Variants in BAZ1A observed in about 807,000 individuals in gnomAD.
BAZ1A encodes the protein bromodomain adjacent to zinc finger domain 1A, also known as bromodomain adjacent to zinc finger domain protein 1A.
BAZ1A carries 50 observed loss-of-function variants against 185.2 expected under a neutral mutation model. The observed-to-expected ratio is 0.27, with a 90% confidence interval of 0.22 to 0.34. The LOEUF is 0.34. BAZ1A is among the 10% of genes least tolerant of loss of function. BAZ1A has a pLI of 1.00. For synonymous variants in BAZ1A, 571 were observed against 615.6 expected, an observed-to-expected ratio of 0.93 and a Z score of 1.07; for missense variants, 1,356 against 1,839.9, an observed-to-expected ratio of 0.74 and a Z score of 4.81.
At chr14:34,775,336 T>C (rs984774655) in intron 18 of BAZ1A, among the ~76,000 whole-genome samples, 3 of 152,264 alleles carry the variant, frequency 2.0e-5, no homozygotes, top group Non-Finnish European at 4.4e-5. Context: ...AAAACGTTTT[T>C]AGCTCTATTT....
At chr14:34,836,800 G>A (rs536518129) in intron 3 of BAZ1A, among the ~76,000 whole-genome samples, 9 of 152,102 alleles carry the variant, frequency 5.9e-5, no homozygotes, top group African/African-American at 1.7e-4. Context: ...GCATTTGAGC[G>A]AGTCAGCTAT....
chr14:34,873,084 G>T (rs190921550), intron 2 of BAZ1A, among the ~76,000 whole-genome samples: 3 of 152,176 alleles, frequency 2.0e-5, no homozygotes, highest in East Asian at 1.9e-4. Context: ...TACTTCTCTG[G>T]ATATAACATG....
At chr14:34,783,085 G>A (rs773934756) in intron 16 of BAZ1A, 34 bp downstream of exon 16, 11 of 1,453,086 alleles carry the variant, frequency 7.6e-6, no homozygotes, top group Admixed American at 3.6e-5. Context: ...TTTATGTATG[G>A]TAAAGCAGAT....
intron 4 of BAZ1A, among the ~76,000 whole-genome samples, chr14:34,823,316 T>C (rs1240236188): frequency 6.6e-6 from 1 of 150,888 alleles, no homozygotes; most frequent in Non-Finnish European, 1.5e-5. Context: ...ACTGCGCCAC[T>C]GCACTCCAGC....
chr14:34,784,352 A>G (rs1880268002), intron 14 of BAZ1A, among the ~76,000 whole-genome samples: 2 of 106,980 alleles, frequency 1.9e-5, no homozygotes, highest in Non-Finnish European at 3.5e-5. Context: ...TGGGCAACTG[A>G]GTGAGACTCT....
At chr14:34,833,740 A>C (rs2042286918) in intron 3 of BAZ1A, among the ~76,000 whole-genome samples, 1 of 152,142 alleles carries the variant, frequency 6.6e-6, no homozygotes, top group Non-Finnish European at 1.5e-5. Context: ...TCTGTTTGGG[A>C]TGATGAAAAA....
chr14:34,841,678 C>T (rs1279641631), intron 3 of BAZ1A, among the ~76,000 whole-genome samples: 5 of 152,200 alleles, frequency 3.3e-5, no homozygotes, highest in South Asian at 2.1e-4. Context: ...TGAGCCACCG[C>T]GCCCAGCCTT....
At chr14:34,833,460 G>A (rs574286804) in intron 3 of BAZ1A, among the ~76,000 whole-genome samples, 10 of 152,198 alleles carry the variant, frequency 6.6e-5, no homozygotes, top group Admixed American at 2.0e-4. Context: ...CCCAGGAGGC[G>A]GAGGTTGCAG....
rs529793387 is a variant in BAZ1A at position 34,757,589 on chromosome 14, C to T, written c.4386+1115G>A. On this transcript the variant is annotated intron_variant, in intron 25 of 26. Transcript: ENST00000360310. ...CTGAGGCAGGAGAATCGCTTGAACC[C>T]GGGAGGTGGAGGTTGCGGTGAGCCA... Among the ~76,000 whole-genome samples, 675 of 151,674 alleles carry T rather than the reference C, an allele frequency of 4.5e-3. 1 individual carries two copies. Among genetic ancestry groups the T allele is most frequent in the Non-Finnish European group, 7.2e-3 (489 of 67,904 alleles).
chr14:34,858,505 G>T (rs1015458911), intron 3 of BAZ1A, among the ~76,000 whole-genome samples: 1 of 152,046 alleles, frequency 6.6e-6, no homozygotes, highest in Non-Finnish European at 1.5e-5. Flanking sequence ...TGTAGAGATG[G>T]GGTTTTGCCA....
In BAZ1A at chr14:34,825,943, A is replaced by AG. The variant is rs970898516; in HGVS notation, c.536+69_536+70insC. On this transcript the variant is annotated intron_variant, in intron 4 of 26. Coordinates refer to ENST00000360310, the MANE Select transcript of BAZ1A (RefSeq NM_013448.3). ...AAAGAGTGAAACTCTATCTCAAAAA[A>AG]AAAGTTATTTCAATGGAATATCATT... is the stretch of plus-strand genomic sequence containing the variant. 1.3e-5 allele frequency: 18 copies of AG among 1,422,960 alleles called. No individual in the cohort carries two copies. The Admixed American group carries it at 4.5e-4, about 35-fold the overall frequency. The allele number at this position is 1,422,960 out of a possible 1,614,324, so 88.1% of individuals were successfully genotyped here.
At chr14:34,833,232 A>C (rs977215073) in intron 3 of BAZ1A, among the ~76,000 whole-genome samples, 3 of 151,916 alleles carry the variant, frequency 2.0e-5, no homozygotes, top group Admixed American at 2.0e-4. Flanking sequence ...CAAACAAACA[A>C]AAAACCCCAA....
intron 4 of BAZ1A, among the ~76,000 whole-genome samples, chr14:34,814,280 C>T (rs564575896): frequency 6.6e-6 from 1 of 151,358 alleles, no homozygotes; most frequent in Admixed American, 6.6e-5. Context: ...TTTTACTATG[C>T]ATTATATATT....
At chr14:34,798,482 A>G (rs1881327908) in intron 9 of BAZ1A, among the ~76,000 whole-genome samples, 1 of 152,212 alleles carries the variant, frequency 6.6e-6, no homozygotes, top group Non-Finnish European at 1.5e-5. Flanking sequence ...TTCCAAAGGA[A>G]GGATAAGGCA....
chr14:34,827,086 T>A (rs2042175007), intron 3 of BAZ1A, among the ~76,000 whole-genome samples: 1 of 58,836 alleles, frequency 1.7e-5, no homozygotes, highest in Admixed American at 1.4e-4. Flanking sequence ...CCTTCTCCTA[T>A]CTCTCTCTCT....
chr14:34,870,622 C>G (rs530526440), intron 2 of BAZ1A, among the ~76,000 whole-genome samples: 5 of 152,226 alleles, frequency 3.3e-5, no homozygotes, highest in South Asian at 2.1e-4. Flanking sequence ...ATCTAGGCAG[C>G]CAGTTTAAAT....
intron 25 of BAZ1A, among the ~76,000 whole-genome samples, chr14:34,758,115 C>T (rs1037030706): frequency 1.6e-5 from 1 of 62,398 alleles, no homozygotes; most frequent in African/African-American, 4.9e-5. Context: ...GACCCTGTCT[C>T]AAAAAAAAAA....
Position 34,800,365 on chromosome 14 carries a change from T to C in BAZ1A, c.987A>G (p.Arg329=), listed in dbSNP as rs1309835161. ...TCGCTTCTAGGGCATCTGCTTTTTC[T>C]CTTTTTAATTTAGCCTTTTCAAAAG... ...SLAFEKAKLK[R]EKADALEAKK... Residue 329 remains arginine (R), a synonymous_variant, in exon 9 of 27, where the codon AGA becomes AGG. Transcript: ENST00000360310. 4 of 1,548,986 alleles carry C rather than the reference T, an allele frequency of 2.6e-6. No individual in the cohort carries two copies. Among genetic ancestry groups the C allele is most frequent in the Admixed American group, 2.3e-5 (1 of 43,200 alleles).
At chr14:34,844,834 TAAA>T (rs1566593235) in intron 3 of BAZ1A, among the ~76,000 whole-genome samples, 3 of 151,488 alleles carry the variant, frequency 2.0e-5, no homozygotes, top group African/African-American at 7.3e-5. Flanking sequence ...TTATTTTTCA[TAAA>T]AATAGAAAAA....
Sources: gnomAD v4.1 joint callset for allele counts (sites outside exome capture counted in the v4.1 genomes callset) on GRCh38, gnomAD v4.1.1 for gene constraint, MANE v1.5 for transcripts, NCBI Gene and HGNC (gene_info 2026-07-23, HGNC 2026-07-21) for gene names.